The following KANSL1L variants were observed in gnomAD, a reference collection of about 807,000 sequenced individuals.
The protein encoded by KANSL1L is KAT8 regulatory NSL complex subunit 1-like protein.
Under a neutral mutation model 108.6 loss-of-function variants are expected in KANSL1L, and 25 were observed. The observed-to-expected ratio is 0.23, with a 90% CI of 0.17 to 0.32. The LOEUF (loss-of-function observed/expected upper bound fraction) is 0.32, where lower values mean the gene tolerates loss of function less well. Among genes scored for constraint, KANSL1L ranks in the 10% least tolerant of loss-of-function variants. The pLI is 1.00. For synonymous variants in KANSL1L, 405 were observed against 395.1 expected, an observed-to-expected ratio of 1.03 and a Z score of -0.30; for missense variants, 1,137 against 1,125.7, an observed-to-expected ratio of 1.01 and a Z score of -0.14.
chr2:210,084,208 G>T (rs866957657), intron 5 of KANSL1L, among the ~76,000 whole-genome samples: 4 of 152,236 alleles, frequency 2.6e-5, no homozygotes, highest in Admixed American at 6.5e-5. Context: ...GATTGCCTGA[G>T]GTCAGGAGTT....
chr2:210,082,438 T>C (rs141976563), intron 5 of KANSL1L, among the ~76,000 whole-genome samples: 1 of 152,290 alleles, frequency 6.6e-6, no homozygotes, highest in East Asian at 1.9e-4. Flanking sequence ...GTGTGAAAGA[T>C]CCATATCCTT....
chr2:210,024,402 G>A (rs1031766219), intron 13 of KANSL1L, among the ~76,000 whole-genome samples: 2 of 152,106 alleles, frequency 1.3e-5, no homozygotes, highest in East Asian at 1.9e-4. Context: ...ATATTTTACC[G>A]AATTATAACA....
chr2:210,163,197 T>C (rs1226827892), intron 1 of KANSL1L, among the ~76,000 whole-genome samples: 1 of 152,180 alleles, frequency 6.6e-6, no homozygotes, highest in Non-Finnish European at 1.5e-5. Context: ...GCAAGAATGA[T>C]GGAATTACTA....
At chr2:210,060,630 C>T (rs2094409673) in intron 6 of KANSL1L, among the ~76,000 whole-genome samples, 1 of 152,162 alleles carries the variant, frequency 6.6e-6, no homozygotes, top group South Asian at 2.1e-4. Context: ...TTCAGAGTAA[C>T]AGTATCATTG....
intron 5 of KANSL1L, chr2:210,080,145 GCACACACACACACACACACACACA>G (rs79443997): frequency 2.1e-5 from 3 of 146,134 alleles, no homozygotes; most frequent in Non-Finnish European, 4.5e-5. Flanking sequence ...ACACACGCGT[GCACACACACACACACACACACACA>G]CACACTGCTT....
At chr2:210,167,842 A>C (rs544686121) in intron 1 of KANSL1L, among the ~76,000 whole-genome samples, 1 of 152,142 alleles carries the variant, frequency 6.6e-6, no homozygotes, top group South Asian at 2.1e-4. Context: ...TTGGATTTTT[A>C]TTATAGACTA....
At chr2:210,058,270 C>T (rs978441681) in intron 6 of KANSL1L, among the ~76,000 whole-genome samples, 2 of 152,136 alleles carry the variant, frequency 1.3e-5, no homozygotes, top group African/African-American at 4.8e-5. Context: ...CACTCCCAGG[C>T]TTATTAGGAT....
At chr2:210,149,584 AAAAATAAACTT>A (rs903601030) in intron 2 of KANSL1L, among the ~76,000 whole-genome samples, 3 of 152,098 alleles carry the variant, frequency 2.0e-5, no homozygotes, top group Non-Finnish European at 2.9e-5. Flanking sequence ...AGAAAATAAC[AAAAATAAACTT>A]AAAATAAACT....
chr2:210,123,970 T>C (rs555567246), intron 3 of KANSL1L, among the ~76,000 whole-genome samples: 59 of 152,116 alleles, frequency 3.9e-4, no homozygotes, highest in Non-Finnish European at 6.5e-4. Flanking sequence ...TCAGGCAACA[T>C]TTACACATCT....
intron 2 of KANSL1L, among the ~76,000 whole-genome samples, chr2:210,139,742 CTTTT>C (rs200971902): frequency 5.2e-5 from 7 of 134,352 alleles, no homozygotes; most frequent in Admixed American, 7.5e-5. Flanking sequence ...TGCCCATTTC[CTTTT>C]TTTTTTTTTT....
intron 8 of KANSL1L, 73 bp from the exon 9 acceptor site, chr2:210,031,619 A>T (rs1313599136): frequency 1.1e-6 from 1 of 940,558 alleles, no homozygotes; most frequent in Non-Finnish European, 1.5e-6. Context: ...ATCTGTTTTT[A>T]TTTGTAACTG....
At chr2:210,078,727 G>T (rs916984285) in intron 5 of KANSL1L, among the ~76,000 whole-genome samples, 1 of 152,094 alleles carries the variant, frequency 6.6e-6, no homozygotes, top group African/African-American at 2.4e-5. Flanking sequence ...AAAACATGAG[G>T]AAAATCCTGA....
At chr2:210,078,960 T>C (rs1024160150) in intron 5 of KANSL1L, among the ~76,000 whole-genome samples, 1 of 152,200 alleles carries the variant, frequency 6.6e-6, no homozygotes, top group Non-Finnish European at 1.5e-5. Context: ...AATCTTTCTT[T>C]CTTTTTTACA....
chr2:210,170,456 G>C, intron 1 of KANSL1L: 2 of 911,728 alleles, frequency 2.2e-6, no homozygotes, highest in Non-Finnish European at 2.6e-6. Context: ...CTTTCCTGTG[G>C]TTTCTGAAAC....
intron 6 of KANSL1L, among the ~76,000 whole-genome samples, chr2:210,074,743 TAATAA>T (rs1358755723): frequency 4.6e-5 from 7 of 152,228 alleles, no homozygotes; most frequent in African/African-American, 1.7e-4. Context: ...AATTGTTTCC[TAATAA>T]AACAAAGCAT....
At chr2:210,024,588 A>G (rs1369026803) in intron 13 of KANSL1L, among the ~76,000 whole-genome samples, 1 of 152,016 alleles carries the variant, frequency 6.6e-6, no homozygotes, top group Non-Finnish European at 1.5e-5. Flanking sequence ...ATAAAATAGG[A>G]ATTTTCTCAT....
chr2:210,167,525 TAGA>T, intron 1 of KANSL1L, among the ~76,000 whole-genome samples: 1 of 152,166 alleles, frequency 6.6e-6, no homozygotes, highest in East Asian at 1.9e-4. Flanking sequence ...AATCTACATG[TAGA>T]AGTACACTAT....
At chr2:210,115,742 C>T (rs1438085060) in intron 3 of KANSL1L, among the ~76,000 whole-genome samples, 1 of 152,178 alleles carries the variant, frequency 6.6e-6, no homozygotes, top group East Asian at 1.9e-4. Flanking sequence ...ACTGCACATG[C>T]CCAAGAACTT....
chr2:210,059,725 G>A (rs1157449481), intron 6 of KANSL1L, among the ~76,000 whole-genome samples: 1 of 151,972 alleles, frequency 6.6e-6, no homozygotes, highest in Non-Finnish European at 1.5e-5. Flanking sequence ...GGTGTGGCAT[G>A]GAAGAAAGAG....
Sources: allele counts gnomAD v4.1 joint callset (sites outside exome capture counted in the v4.1 genomes callset), GRCh38; gene constraint gnomAD v4.1.1; transcripts MANE v1.5; gene names NCBI Gene and HGNC (gene_info 2026-07-23, HGNC 2026-07-21).